Variants in ARFGAP3 observed in about 807,000 individuals in gnomAD.
ARFGAP3 encodes ARF GTPase activating protein 3, also known as ADP-ribosylation factor GTPase-activating protein 3.
In ARFGAP3, 72 loss-of-function variants were observed where a neutral mutation model predicts 75.0. That is an observed-to-expected ratio of 0.96 (90% CI 0.79 to 1.17). ARFGAP3 has a LOEUF of 1.17. Ranked by LOEUF, ARFGAP3 falls within the 50% of genes most tolerant of loss-of-function variation. The probability of loss-of-function intolerance (pLI) is 0.00; values close to 1 mark genes in which losing one functional copy is unlikely to be tolerated. For missense variants in ARFGAP3, 620 were observed against 626.6 expected, an observed-to-expected ratio of 0.99 and a Z score of 0.11; for synonymous variants, 221 against 217.9, an observed-to-expected ratio of 1.01 and a Z score of -0.13.
Position 42,796,610 on chromosome 22 carries a change from A to T in ARFGAP3, c.*978T>A, listed in dbSNP as rs2146516800. The T allele has an allele frequency of 6.6e-6, 1 of 152,368 alleles. No homozygotes were observed. Among genetic ancestry groups the T allele is most frequent in the South Asian group, 2.1e-4 (1 of 4,826 alleles). The allele number at this position is 152,368 out of a possible 1,614,324, so 9.4% of individuals were successfully genotyped here. A position where few individuals can be genotyped will look rare whatever the true frequency, so the allele number is the denominator to read the frequency against. ...ATTCACAAAATATTCATTCAAAACC[A>T]CATTTTTGGCTTATCAAATTTCAAA... On this transcript the variant is annotated 3_prime_UTR_variant, in exon 16 of 16. Transcript: ENST00000263245.
intron 12 of ARFGAP3, among the ~76,000 whole-genome samples, chr22:42,809,546 CA>C (rs1925269530): frequency 6.7e-6 from 1 of 148,604 alleles, no homozygotes; most frequent in Admixed American, 6.7e-5. Flanking sequence ...GACCAGGGGC[CA>C]GGGGCAGGGG....
At chr22:42,838,076 C>G (rs1926607502) in intron 3 of ARFGAP3, among the ~76,000 whole-genome samples, 1 of 151,802 alleles carries the variant, frequency 6.6e-6, no homozygotes, top group Non-Finnish European at 1.5e-5. Context: ...TCACCTCTAC[C>G]TGACAAAATT....
chr22:42,854,244 C>G (rs1052792169), intron 1 of ARFGAP3, among the ~76,000 whole-genome samples: 23 of 152,184 alleles, frequency 1.5e-4, no homozygotes, highest in African/African-American at 5.3e-4. Flanking sequence ...AGCATAGGTG[C>G]TTAATGAATA....
At chr22:42,851,559 G>A (rs758788284) in intron 1 of ARFGAP3, among the ~76,000 whole-genome samples, 4 of 152,244 alleles carry the variant, frequency 2.6e-5, no homozygotes, top group African/African-American at 4.8e-5. Flanking sequence ...AGTTTATAGG[G>A]GTAGAGGAGC....
chr22:42,835,236 T>C (rs533596784), intron 4 of ARFGAP3, 126 bp downstream of exon 4: 1 of 1,060,534 alleles, frequency 9.4e-7, no homozygotes, highest in African/African-American at 1.6e-5. Flanking sequence ...ATAGTAAGAA[T>C]CTACTGTACA....
chr22:42,848,155 T>C (rs1927106997), intron 1 of ARFGAP3, among the ~76,000 whole-genome samples: 1 of 151,864 alleles, frequency 6.6e-6, no homozygotes, highest in African/African-American at 2.4e-5. Context: ...CGAGCCACTG[T>C]GCCCAGTTTA....
chr22:42,851,651 T>A (rs1433630245), intron 1 of ARFGAP3, among the ~76,000 whole-genome samples: 1 of 152,234 alleles, frequency 6.6e-6, no homozygotes, highest in Non-Finnish European at 1.5e-5. Flanking sequence ...GCCTTGATCC[T>A]CCTGCTATAC....
chr22:42,834,227 A>G lies in ARFGAP3; in HGVS notation c.477+15T>C, dbSNP rs752676140. ...AGTAAGCACACTTTAAAATGATGTG[A>G]AGCATAATACATACCTCAGGAGAAA... On this transcript the variant is annotated intron_variant, in intron 5 of 15. Transcript: ENST00000263245. The G allele has an allele frequency of 8.1e-6, 13 of 1,609,454 alleles. No homozygotes were observed. The Admixed American group carries it at 1.0e-4, about 13-fold the overall frequency.
At chr22:42,809,707 A>G (rs1288122245) in intron 12 of ARFGAP3, among the ~76,000 whole-genome samples, 2 of 152,094 alleles carry the variant, frequency 1.3e-5, no homozygotes, top group Non-Finnish European at 2.9e-5. Flanking sequence ...AATACCTTAA[A>G]ATTGGGGGAA....
intron 12 of ARFGAP3, among the ~76,000 whole-genome samples, chr22:42,809,482 TTA>T (rs1925266579): frequency 6.6e-6 from 1 of 152,014 alleles, no homozygotes; most frequent in Admixed American, 6.6e-5. Context: ...ATGACTCCAT[TTA>T]TATGATATCT....
At chr22:42,853,000 G>A (rs1927344987) in intron 1 of ARFGAP3, among the ~76,000 whole-genome samples, 2 of 152,254 alleles carry the variant, frequency 1.3e-5, no homozygotes, top group Non-Finnish European at 2.9e-5. Flanking sequence ...CTGACCTCAG[G>A]TGATCCACCC....
Position 42,817,721 on chromosome 22 carries a change from T to C in ARFGAP3, c.941+8A>G, listed in dbSNP as rs374338160. The stretch of plus-strand genomic sequence containing the variant: ...AAATTCTAACTCCAAGAAAGCAGTC[T>C]CACATACCTTCTGCAATTTCCAAAT... On this transcript the variant is annotated splice_region_variant and intron_variant, in intron 10 of 15. Transcript: ENST00000263245. The C allele has an allele frequency of 3.9e-5, 63 of 1,603,494 alleles. No individual in the cohort carries two copies. The highest frequency in any genetic ancestry group is 4.8e-5 in the Non-Finnish European group (56 of 1,171,878).
chr22:42,830,983 T>C (rs756689681), intron 6 of ARFGAP3, among the ~76,000 whole-genome samples: 1 of 152,172 alleles, frequency 6.6e-6, no homozygotes, highest in Non-Finnish European at 1.5e-5. Flanking sequence ...TTATAGTCTA[T>C]TATGAATATT....
chr22:42,836,021 T>C (rs1354906227), intron 3 of ARFGAP3, among the ~76,000 whole-genome samples: 1 of 139,768 alleles, frequency 7.2e-6, no homozygotes, highest in Non-Finnish European at 1.5e-5. Context: ...CTTGCTCTAT[T>C]ACCCAGGCTG....
At chr22:42,811,075 T>C (rs1454828445) in intron 11 of ARFGAP3, 131 bp from the exon 12 acceptor site, 2 of 1,406,666 alleles carry the variant, frequency 1.4e-6, no homozygotes, top group Non-Finnish European at 9.4e-7. Context: ...GTCTAGCCAA[T>C]GAGACAGGAG....
chr22:42,853,481 C>T, intron 1 of ARFGAP3: 1 of 219,376 alleles, frequency 4.6e-6, no homozygotes, highest in Non-Finnish European at 9.8e-6. Context: ...AAGACCTCAT[C>T]AAGGTGCCAC....
intron 7 of ARFGAP3, among the ~76,000 whole-genome samples, chr22:42,824,641 A>G (rs1333637043): frequency 6.6e-6 from 1 of 152,008 alleles, no homozygotes; most frequent in East Asian, 1.9e-4. Context: ...CTGGGATTAC[A>G]GGTATGAACT....
chr22:42,834,190 G>C, intron 5 of ARFGAP3, 52 bp downstream of exon 5: 2 of 1,530,326 alleles, frequency 1.3e-6, no homozygotes, highest in South Asian at 2.3e-5. Flanking sequence ...TGCACCTTTT[G>C]TTAACTGTCA....
chr22:42,837,697 TGA>T (rs1353695860), intron 3 of ARFGAP3, among the ~76,000 whole-genome samples: 2 of 141,282 alleles, frequency 1.4e-5, no homozygotes, highest in East Asian at 4.1e-4. Context: ...TTTTTTTTTT[TGA>T]GACGGTCTTG....
Sources: allele counts gnomAD v4.1 joint callset (sites outside exome capture counted in the v4.1 genomes callset), GRCh38; gene constraint gnomAD v4.1.1; transcripts MANE v1.5; gene names NCBI Gene and HGNC (gene_info 2026-07-23, HGNC 2026-07-21).